The following LMF1 variants were observed in gnomAD, a reference collection of about 807,000 sequenced individuals.
The protein encoded by LMF1 is transmembrane protein 112.
In LMF1, 68 loss-of-function variants were observed where a neutral mutation model predicts 60.6. That is an observed-to-expected ratio of 1.12 (90% CI 0.92 to 1.37). The LOEUF is 1.37. Among genes scored for constraint, LMF1 ranks in the 40% most tolerant of loss-of-function variants. The pLI is 0.00. For synonymous variants in LMF1, 418 were observed against 324.7 expected (o/e 1.29, Z -3.09); for missense variants, 948 against 767.2 (o/e 1.24, Z -2.78).
chr16:872,352 G>C (rs115882190), intron 6 of LMF1: 2 of 152,222 alleles, frequency 1.3e-5, no homozygotes, highest in Non-Finnish European at 2.9e-5. Context: ...GAAGGGACTC[G>C]TGAGGGCAGC....
intron 10 of LMF1, among the ~76,000 whole-genome samples, chr16:858,901 C>G (rs1439517325): frequency 1.0e-5 from 1 of 99,932 alleles, no homozygotes; most frequent in East Asian, 3.0e-4. Flanking sequence ...GCAGTGGTGT[C>G]TCGGGACGGG....
chr16:908,692 CG>C (rs1567220863), intron 4 of LMF1, among the ~76,000 whole-genome samples: 1 of 152,224 alleles, frequency 6.6e-6, no homozygotes, highest in Non-Finnish European at 1.5e-5. Flanking sequence ...CTGCAGCATG[CG>C]GGAGCGGCTC....
Position 908,853 on chromosome 16 carries a change from C to T in LMF1, c.663+2078G>A, listed in dbSNP as rs570350163. Reference sequence around the variant, plus strand: ...CACAGGTATGCAGTGACATTGCGGACGGGTGCCCACCACCCCCGTGCGGCT... The same window carrying T: ...CACAGGTATGCAGTGACATTGCGGATGGGTGCCCACCACCCCCGTGCGGCT... On this transcript the variant is annotated intron_variant, in intron 4 of 10. Coordinates refer to ENST00000262301, the MANE Select transcript of LMF1 (RefSeq NM_022773.4). 2.6e-5 allele frequency among the ~76,000 whole-genome samples: 4 copies of T among 152,340 alleles called. No individual in the cohort carries two copies. In the South Asian group the frequency reaches 6.2e-4, roughly 24 times the overall value.
At chr16:912,946 A>G (rs12930493) in intron 3 of LMF1, among the ~76,000 whole-genome samples, 46,459 of 152,198 alleles carry the variant, frequency 0.31, 9,147 homozygotes, top group African/African-American at 0.54. Flanking sequence ...GGCTCTCCAG[A>G]CAGCTCTCAC....
chr16:947,332 A>C, intron 2 of LMF1: 1 of 377,952 alleles, frequency 2.6e-6, no homozygotes, highest in South Asian at 2.0e-5. Flanking sequence ...GGCCCCACCC[A>C]CCCAGTTGGG....
At chr16:914,841 AC>A (rs1024910608) in intron 3 of LMF1, among the ~76,000 whole-genome samples, 3 of 38,826 alleles carry the variant, frequency 7.7e-5, no homozygotes, top group African/African-American at 3.1e-4. Flanking sequence ...CTCTCCCATG[AC>A]CATTGGTGAC....
At chr16:879,424 C>G in intron 6 of LMF1, 146 bp downstream of exon 6, 1 of 970,452 alleles carries the variant, frequency 1.0e-6, no homozygotes. Flanking sequence ...GCCCGTGACA[C>G]AAACGAAGGC....
chr16:911,768 T>C (rs2071129199), intron 3 of LMF1, among the ~76,000 whole-genome samples: 1 of 151,724 alleles, frequency 6.6e-6, no homozygotes, highest in African/African-American at 2.4e-5. Flanking sequence ...TCTGGCCCTG[T>C]CCTTCCCAGA....
chr16:915,892 G>A (rs1222678038), intron 3 of LMF1, among the ~76,000 whole-genome samples: 3 of 151,084 alleles, frequency 2.0e-5, no homozygotes, highest in Non-Finnish European at 4.4e-5. Flanking sequence ...TGAGACTTGG[G>A]GGCCTGGGGC....
At chr16:979,003 T>C (rs2073257743) in intron 1 of LMF1, 1 of 453,924 alleles carries the variant, frequency 2.2e-6, no homozygotes, top group Non-Finnish European at 4.4e-6. Context: ...TCCCCGCCTC[T>C]GAGAGGTGCT....
At chr16:944,128 C>T (rs529728215) in intron 2 of LMF1, among the ~76,000 whole-genome samples, 19 of 152,196 alleles carry the variant, frequency 1.2e-4, no homozygotes, top group East Asian at 3.9e-4. Context: ...TGGGGGCATG[C>T]GCTGAGTGCC....
At chr16:898,184 G>C (rs181669135) in intron 4 of LMF1, among the ~76,000 whole-genome samples, 2 of 152,334 alleles carry the variant, frequency 1.3e-5, no homozygotes, top group Admixed American at 6.5e-5. Flanking sequence ...CTGGCTCATC[G>C]ACACTGGCTG....
At chr16:866,595 T>C (rs542120725) in intron 10 of LMF1, among the ~76,000 whole-genome samples, 1 of 152,274 alleles carries the variant, frequency 6.6e-6, no homozygotes, top group South Asian at 2.1e-4. Flanking sequence ...CAGCTTCCTA[T>C]TTGGCCTCCT....
intron 3 of LMF1, chr16:933,611 T>C (rs1351786820): frequency 5.3e-6 from 1 of 189,856 alleles, no homozygotes; most frequent in Non-Finnish European, 1.1e-5. Flanking sequence ...CCTGAGGTCA[T>C]GGAGAAAGGC....
rs2069736493 is a variant in LMF1 at position 870,069 on chromosome 16, G to A, written c.1233-3C>T. The A allele has an allele frequency of 1.2e-6, 2 of 1,605,844 alleles. No individual in the cohort carries two copies. The highest frequency in any genetic ancestry group is 4.5e-5 in the East Asian group (2 of 44,856). ...CCTCCGCCCGCTCCTTGGTGATGCT[G>A]CCGGGAGACCGAGGCAGGCCAGGCC... On this transcript the variant is annotated splice_region_variant and splice_polypyrimidine_tract_variant and intron_variant, in intron 8 of 10. Transcript: ENST00000262301.
In LMF1 at chr16:854,713, G is replaced by A. The variant is rs1440999373; in HGVS notation, c.1530-7C>T. 2 of 1,579,604 alleles carry A rather than the reference G, an allele frequency of 1.3e-6. No homozygotes were observed. Among genetic ancestry groups the A allele is most frequent in the African/African-American group, 1.3e-5 (1 of 74,236 alleles). The stretch of plus-strand genomic sequence containing the variant: ...GTGCTCTCCTCGGACCCACCTGCAA[G>A]GGGGCACATGTCAGCCCAGGGCCTG... On this transcript the variant is annotated splice_polypyrimidine_tract_variant and splice_region_variant and intron_variant, in intron 10 of 10. Coordinates refer to ENST00000262301, the MANE Select transcript of LMF1 (RefSeq NM_022773.4).
At chr16:888,347 G>C (rs1388830172) in intron 5 of LMF1, among the ~76,000 whole-genome samples, 1 of 152,214 alleles carries the variant, frequency 6.6e-6, no homozygotes, top group African/African-American at 2.4e-5. Context: ...TAGCAACAGA[G>C]TTATGTTCAA....
At chr16:946,887 G>A (rs143037339) in intron 2 of LMF1, among the ~76,000 whole-genome samples, 1 of 152,346 alleles carries the variant, frequency 6.6e-6, no homozygotes, top group African/African-American at 2.4e-5. Context: ...ATGACCCGAT[G>A]ACAGTTGCAC....
intron 3 of LMF1, among the ~76,000 whole-genome samples, chr16:922,029 G>A (rs1264383104): frequency 6.6e-6 from 1 of 152,184 alleles, no homozygotes; most frequent in African/African-American, 2.4e-5. Flanking sequence ...TTCCCCCACA[G>A]CTGAGGAGTA....
Sources: gnomAD v4.1 joint callset for allele counts (sites outside exome capture counted in the v4.1 genomes callset) on GRCh38, gnomAD v4.1.1 for gene constraint, MANE v1.5 for transcripts, NCBI Gene and HGNC (gene_info 2026-07-23, HGNC 2026-07-21) for gene names.